TDRD12: variants seen among roughly 807,000 people sequenced by gnomAD.
The protein encoded by TDRD12 is tudor domain containing 12.
TDRD12 carries 158 observed loss-of-function variants against 133.5 expected under a neutral mutation model. The ratio of observed to expected loss-of-function variants is 1.18; its 90% confidence interval spans 1.04 to 1.35. The LOEUF (loss-of-function observed/expected upper bound fraction) is 1.35, where lower values mean the gene tolerates loss of function less well. Among genes scored for constraint, TDRD12 ranks in the 40% most tolerant of loss-of-function variants. The pLI, the probability that TDRD12 is intolerant of heterozygous loss-of-function variation, is 0.00. For synonymous variants in TDRD12, 460 were observed against 477.9 expected, an observed-to-expected ratio of 0.96 and a Z score of 0.49; for missense variants, 1,443 against 1,321.3, an observed-to-expected ratio of 1.09 and a Z score of -1.43.
intron 21 of TDRD12, among the ~76,000 whole-genome samples, chr19:32,806,337 G>GTTT (rs58555952): frequency 0.27 from 36,283 of 135,036 alleles, 5,428 homozygotes; most frequent in East Asian, 0.42. Context: ...AGAAGACCGA[G>GTTT]TTTTTTTTTT....
Position 32,774,372 on chromosome 19 carries a change from A to G in TDRD12, c.1040+840A>G, listed in dbSNP as rs556991707. On this transcript the variant is annotated intron_variant, in intron 10 of 27. Transcript: ENST00000444215. Reference sequence around the variant, plus strand: ...TTCTTTACTTTTTGTGTAGCTCCATATTTCCATCTGGTATTATTTTCCTTC... The same window carrying G: ...TTCTTTACTTTTTGTGTAGCTCCATGTTTCCATCTGGTATTATTTTCCTTC... Among the ~76,000 whole-genome samples, 3 of 150,356 alleles carry G rather than the reference A, an allele frequency of 2.0e-5. No homozygotes were observed. The South Asian group carries it at 6.3e-4, about 32-fold the overall frequency.
At chr19:32,726,284 G>C (rs1314566042) in intron 1 of TDRD12, among the ~76,000 whole-genome samples, 3 of 152,072 alleles carry the variant, frequency 2.0e-5, no homozygotes, top group African/African-American at 7.2e-5. Flanking sequence ...GTTTCACTGT[G>C]TTAGCCACGA....
At position 32,794,644 on chromosome 19, in the gene TDRD12, A is replaced by C. The variant is rs1285853959; in HGVS notation, c.1304A>C (p.Lys435Thr). ...GTTTTGTAGGCTCTTCAAAGAAATA[A>C]GTTTCCGGGCCCCAGCCACACTGAA... The change falls in exon 14 of 28, where the codon AAG becomes ACG. Residue 435 changes from lysine (K) to threonine (T), a missense_variant. Lys to Thr is a moderately conservative substitution (Grantham distance 78, BLOSUM62 -1). Transcript: ENST00000444215. The C allele has an allele frequency of 5.7e-6, 4 of 702,260 alleles. No individual in the cohort carries two copies. The Admixed American group carries it at 8.0e-5, about 14-fold the overall frequency. 43.5% of individuals were successfully genotyped at this position (702,260 alleles called of 1,614,324 possible). A position where few individuals can be genotyped will look rare whatever the true frequency, so the allele number is the denominator to read the frequency against.
intron 6 of TDRD12, among the ~76,000 whole-genome samples, chr19:32,753,397 C>T (rs1235044441): frequency 1.3e-5 from 2 of 152,072 alleles, no homozygotes; most frequent in Non-Finnish European, 2.9e-5. Flanking sequence ...GAGACAGGGT[C>T]TTGCTATGTT....
chr19:32,794,221 G>A (rs535394014), intron 13 of TDRD12, among the ~76,000 whole-genome samples: 7 of 144,476 alleles, frequency 4.8e-5, no homozygotes, highest in South Asian at 2.3e-4. Flanking sequence ...TTCTCCTGCC[G>A]CAGCCTCCAG....
intron 2 of TDRD12, among the ~76,000 whole-genome samples, chr19:32,734,164 G>C (rs1254251931): frequency 2.0e-5 from 3 of 151,820 alleles, no homozygotes; most frequent in Admixed American, 6.6e-5. Flanking sequence ...CAAAGTGCTG[G>C]GATTACAGGC....
At chr19:32,778,788 C>T (rs1970681178) in intron 11 of TDRD12, among the ~76,000 whole-genome samples, 1 of 152,238 alleles carries the variant, frequency 6.6e-6, no homozygotes, top group Admixed American at 6.5e-5. Flanking sequence ...GAGTGAGCCA[C>T]TGTGCCCGGA....
chr19:32,777,625 T>G (rs1970619307), intron 11 of TDRD12, among the ~76,000 whole-genome samples: 1 of 151,586 alleles, frequency 6.6e-6, no homozygotes, highest in Admixed American at 6.6e-5. Context: ...TTCATACTTG[T>G]GTAATCTGTA....
intron 22 of TDRD12, among the ~76,000 whole-genome samples, chr19:32,808,288 A>C (rs1348189366): frequency 7.2e-5 from 11 of 152,040 alleles, no homozygotes; most frequent in Non-Finnish European, 1.6e-4. Context: ...CTGTTGTGTT[A>C]ATTTCCTAGG....
exon 10 of TDRD12, chr19:32,827,373 T>TTTTCTTTTA: frequency 9.3e-6 from 1 of 107,362 alleles, no homozygotes; most frequent in Non-Finnish European, 1.4e-5. Context: ...TTTTCTTTTC[T>TTTTCTTTTA]TTTTTTTTTT....
chr19:32,793,775 G>A (rs984481933), intron 13 of TDRD12, among the ~76,000 whole-genome samples: 5 of 147,860 alleles, frequency 3.4e-5, no homozygotes, highest in African/African-American at 5.0e-5. Context: ...TTTTAATTTA[G>A]AAAATTAAAG....
intron 1 of TDRD12, among the ~76,000 whole-genome samples, chr19:32,726,671 AGGT>A (rs1442712220): frequency 1.9e-5 from 2 of 102,832 alleles, no homozygotes; most frequent in African/African-American, 3.9e-5. Flanking sequence ...GGATTGCTTG[AGGT>A]GAGGATTGCT....
At chr19:32,803,028 A>T (rs1568487821) in exon 21 of TDRD12, 1 of 1,536,042 alleles carries the variant, frequency 6.5e-7, no homozygotes, top group East Asian at 2.4e-5. Flanking sequence ...GAGCGAGCGG[A>T]CGCCAAGGTC....
chr19:32,820,862 C>T (rs1599631535), intron 27 of TDRD12, 171 bp from the exon 28 acceptor site: 3 of 588,336 alleles, frequency 5.1e-6, no homozygotes, highest in South Asian at 4.3e-5. Flanking sequence ...TCATCCTTGT[C>T]GGAAGGAACA....
chr19:32,814,361 GAC>G (rs1200914389), intron 25 of TDRD12, among the ~76,000 whole-genome samples: 29 of 152,180 alleles, frequency 1.9e-4, no homozygotes, highest in Non-Finnish European at 3.5e-4. Context: ...TGCTGTATTA[GAC>G]TTAAATCTTA....
chr19:32,760,186 GT>G (rs528707191), intron 8 of TDRD12, among the ~76,000 whole-genome samples: 1 of 152,144 alleles, frequency 6.6e-6, no homozygotes, highest in Non-Finnish European at 1.5e-5. Context: ...GGCAGAAATT[GT>G]TTCCTGCTTA....
chr19:32,757,528 T>C (rs531101094), intron 8 of TDRD12, among the ~76,000 whole-genome samples: 1 of 152,240 alleles, frequency 6.6e-6, no homozygotes, highest in African/African-American at 2.4e-5. Context: ...CTTCAAGATA[T>C]TTAATGAATT....
intron 1 of TDRD12, among the ~76,000 whole-genome samples, chr19:32,725,178 T>G (rs1968818973): frequency 6.6e-6 from 1 of 152,202 alleles, no homozygotes; most frequent in African/African-American, 2.4e-5. Flanking sequence ...ACTCTGATGA[T>G]AGTTTCTTCT....
At chr19:32,817,824 G>T (rs560187995) in intron 26 of TDRD12, among the ~76,000 whole-genome samples, 1 of 150,592 alleles carries the variant, frequency 6.6e-6, no homozygotes, top group South Asian at 2.1e-4. Context: ...CTGTGCGCTT[G>T]TGCAATTCTA....
Sources: gnomAD v4.1 joint callset for allele counts (sites outside exome capture counted in the v4.1 genomes callset) on GRCh38, gnomAD v4.1.1 for gene constraint, MANE v1.5 for transcripts, NCBI Gene and HGNC (gene_info 2026-07-23, HGNC 2026-07-21) for gene names.